CTNNA2: variants seen among roughly 807,000 people sequenced by gnomAD.
CTNNA2 encodes catenin alpha-2.
A neutral mutation model predicts 101.0 loss-of-function variants in CTNNA2; 42 were observed. The observed-to-expected ratio is 0.42, with a 90% CI of 0.32 to 0.54. The LOEUF (loss-of-function observed/expected upper bound fraction) is 0.54. Ranked by LOEUF, CTNNA2 falls within the 20% of genes least tolerant of loss-of-function variation. The probability of loss-of-function intolerance (pLI) is 0.14; values close to 1 mark genes in which losing one functional copy is unlikely to be tolerated. For synonymous variants in CTNNA2, 450 were observed against 456.4 expected, an observed-to-expected ratio of 0.99 and a Z score of 0.18; for missense variants, 871 against 1,223.1, an observed-to-expected ratio of 0.71 and a Z score of 4.29.
intron 2 of CTNNA2, among the ~76,000 whole-genome samples, chr2:79,292,536 T>G (rs956552696): frequency 1.3e-5 from 2 of 151,244 alleles, no homozygotes; most frequent in African/African-American, 4.9e-5. Context: ...GAAGCTTTCT[T>G]TTAGAATTTC....
chr2:80,275,797 T>C (rs1673857284), intron 7 of CTNNA2, among the ~76,000 whole-genome samples: 1 of 152,194 alleles, frequency 6.6e-6, no homozygotes, highest in Non-Finnish European at 1.5e-5. Flanking sequence ...CAAGCAAAAC[T>C]AATTGCTTAA....
At chr2:80,616,089 G>T (rs906693833) in intron 17 of CTNNA2, among the ~76,000 whole-genome samples, 1 of 151,638 alleles carries the variant, frequency 6.6e-6, no homozygotes, top group Non-Finnish European at 1.5e-5. Context: ...TGCTGATAAT[G>T]AAATTGACTG....
At chr2:80,621,396 G>A (rs986890325) in intron 18 of CTNNA2, among the ~76,000 whole-genome samples, 7 of 151,934 alleles carry the variant, frequency 4.6e-5, no homozygotes, top group African/African-American at 1.7e-4. Context: ...CTGATATACT[G>A]CTATTTGGTT....
chr2:80,248,304 A>T (rs1671491996), intron 7 of CTNNA2, among the ~76,000 whole-genome samples: 1 of 152,126 alleles, frequency 6.6e-6, no homozygotes, highest in Non-Finnish European at 1.5e-5. Flanking sequence ...TCTGCTTTGG[A>T]AACAGCTCAC....
At chr2:79,924,726 G>C (rs1011077681) in intron 7 of CTNNA2, among the ~76,000 whole-genome samples, 1 of 152,072 alleles carries the variant, frequency 6.6e-6, no homozygotes, top group African/African-American at 2.4e-5. Context: ...GATAAAAGTA[G>C]AGGTGAGATA....
intron 7 of CTNNA2, among the ~76,000 whole-genome samples, chr2:80,165,392 T>C (rs1304961205): frequency 6.6e-6 from 1 of 152,190 alleles, no homozygotes; most frequent in Non-Finnish European, 1.5e-5. Context: ...TTTTTGTTAT[T>C]GCATTGTTTT....
At chr2:80,530,764 T>G (rs767964283) in intron 9 of CTNNA2, among the ~76,000 whole-genome samples, 1 of 152,148 alleles carries the variant, frequency 6.6e-6, no homozygotes, top group African/African-American at 2.4e-5. Flanking sequence ...ACTCTTTGAT[T>G]TTTTCCCTCT....
intron 7 of CTNNA2, among the ~76,000 whole-genome samples, chr2:80,214,276 G>C (rs1340386939): frequency 6.6e-6 from 1 of 152,084 alleles, no homozygotes; most frequent in East Asian, 1.9e-4. Context: ...TGGTTATTTT[G>C]CTCATTAGGT....
chr2:79,913,541 T>C (rs962142954), intron 7 of CTNNA2, among the ~76,000 whole-genome samples: 1 of 152,038 alleles, frequency 6.6e-6, no homozygotes, highest in Admixed American at 6.6e-5. Context: ...ATGATTCAGG[T>C]GCTGAGAACA....
chr2:80,373,941 T>G (rs1419808658), intron 7 of CTNNA2, among the ~76,000 whole-genome samples: 1 of 152,200 alleles, frequency 6.6e-6, no homozygotes, highest in Non-Finnish European at 1.5e-5. Context: ...TAGAACTCCT[T>G]GTAGCCTAAT....
At chr2:79,968,483 A>C (rs1424210437) in intron 7 of CTNNA2, among the ~76,000 whole-genome samples, 2 of 152,182 alleles carry the variant, frequency 1.3e-5, no homozygotes, top group Non-Finnish European at 2.9e-5. Context: ...CATGCAACCC[A>C]GTAGCTGGTA....
intron 2 of CTNNA2, among the ~76,000 whole-genome samples, chr2:79,199,227 T>C (rs1674001448): frequency 6.6e-6 from 1 of 152,192 alleles, no homozygotes; most frequent in Non-Finnish European, 1.5e-5. Context: ...GTGGCAGACA[T>C]TGTTAACTGT....
At chr2:79,883,914 A>G (rs1683644117) in intron 6 of CTNNA2, among the ~76,000 whole-genome samples, 1 of 152,146 alleles carries the variant, frequency 6.6e-6, no homozygotes, top group Non-Finnish European at 1.5e-5. Flanking sequence ...ATTTTGCCAG[A>G]AAATAAGCCA....
intron 7 of CTNNA2, among the ~76,000 whole-genome samples, chr2:80,366,620 T>C (rs1248735273): frequency 6.6e-6 from 1 of 152,150 alleles, no homozygotes; most frequent in Non-Finnish European, 1.5e-5. Flanking sequence ...ATCCACCAGA[T>C]ATTGGATCAG....
At chr2:79,329,078 C>T (rs575022945) in intron 3 of CTNNA2, among the ~76,000 whole-genome samples, 2 of 152,166 alleles carry the variant, frequency 1.3e-5, no homozygotes, top group African/African-American at 4.8e-5. Context: ...ATGAACTCAT[C>T]TTAACTTGTT....
At chr2:80,639,883 A>G (rs1337112169) in intron 18 of CTNNA2, among the ~76,000 whole-genome samples, 2 of 152,000 alleles carry the variant, frequency 1.3e-5, no homozygotes, top group African/African-American at 4.8e-5. Flanking sequence ...TGGGCAGATC[A>G]TGAGGTCAGG....
At chr2:79,412,206 A>G (rs1678421755) in intron 4 of CTNNA2, among the ~76,000 whole-genome samples, 2 of 152,196 alleles carry the variant, frequency 1.3e-5, no homozygotes, top group African/African-American at 4.8e-5. Flanking sequence ...TATCCGAAAT[A>G]TATATGCACC....
Position 80,257,289 on chromosome 2 carries a change from G to A in CTNNA2, c.1057-135922G>A, listed in dbSNP as rs116647106. On this transcript the variant is annotated intron_variant, in intron 7 of 18. Transcript: ENST00000402739. ...AATATATAGTATATAATCATTTAGA[G>A]TCATGTATCTTAATTGTTAGACCCA... Among the ~76,000 whole-genome samples, 945 of 151,872 alleles carry A rather than the reference G, an allele frequency of 6.2e-3. 12 individuals are homozygous for A. Among genetic ancestry groups the A allele is most frequent in the African/African-American group, 0.022 (898 of 41,442 alleles).
intron 3 of CTNNA2, among the ~76,000 whole-genome samples, chr2:79,825,884 A>G (rs1004175586): frequency 1.3e-5 from 2 of 152,210 alleles, no homozygotes; most frequent in African/African-American, 4.8e-5. Context: ...GGATTGCTCT[A>G]TCATAATGTA....
Sources: allele counts gnomAD v4.1 joint callset (sites outside exome capture counted in the v4.1 genomes callset), GRCh38; gene constraint gnomAD v4.1.1; transcripts MANE v1.5; gene names NCBI Gene and HGNC (gene_info 2026-07-23, HGNC 2026-07-21).